ATG7: variants seen among roughly 807,000 people sequenced by gnomAD.
ATG7 encodes autophagy related 7, also known as ubiquitin-like modifier-activating enzyme ATG7.
Under a neutral mutation model 82.4 loss-of-function variants are expected in ATG7, and 70 were observed. That is an observed-to-expected ratio of 0.85 (90% CI 0.70 to 1.04). ATG7 has a LOEUF of 1.04. Among genes scored for constraint, ATG7 ranks in the 50% least tolerant of loss-of-function variants. The pLI, the probability that ATG7 is intolerant of heterozygous loss-of-function variation, is 0.00. For synonymous variants in ATG7, 287 were observed against 313.0 expected, an observed-to-expected ratio of 0.92 and a Z score of 0.88; for missense variants, 792 against 864.3, an observed-to-expected ratio of 0.92 and a Z score of 1.05.
intron 20 of ATG7, among the ~76,000 whole-genome samples, chr3:11,541,143 G>A (rs916356491): frequency 3.9e-5 from 6 of 152,048 alleles, no homozygotes; most frequent in African/African-American, 9.7e-5. Context: ...TTCGTGATCC[G>A]CCCGCCTCGG....
At chr3:11,304,556 A>G (rs1216146147) in intron 5 of ATG7, 1 of 152,232 alleles carries the variant, frequency 6.6e-6, no homozygotes, top group African/African-American at 2.4e-5. Flanking sequence ...TCCAGGTATG[A>G]TGAGCACAGG....
chr3:11,295,775 TCTTTCTTTCTTTC>T (rs1202145330), intron 3 of ATG7, among the ~76,000 whole-genome samples: 3 of 51,848 alleles, frequency 5.8e-5, no homozygotes, highest in Non-Finnish European at 1.6e-4. Flanking sequence ...TTCTTTCTTT[TCTTTCTTTCTTTC>T]TTTTTTTTTT....
intron 20 of ATG7, chr3:11,488,308 C>T: frequency 3.3e-6 from 1 of 303,562 alleles, no homozygotes; most frequent in Non-Finnish European, 5.8e-6. Flanking sequence ...TGCTCCTTGC[C>T]CTCGGGCCCC....
intron 20 of ATG7, among the ~76,000 whole-genome samples, chr3:11,451,903 A>T (rs2152986265): frequency 6.7e-6 from 1 of 149,296 alleles, no homozygotes; most frequent in African/African-American, 2.5e-5. Context: ...ACACACACAG[A>T]CACACACACA....
At chr3:11,490,779 T>C (rs1380509678) in intron 20 of ATG7, among the ~76,000 whole-genome samples, 1 of 152,224 alleles carries the variant, frequency 6.6e-6, no homozygotes, top group Non-Finnish European at 1.5e-5. Context: ...TTCTTTTCTT[T>C]AAGAATGTTG....
At chr3:11,492,318 G>A (rs1463995326) in intron 20 of ATG7, among the ~76,000 whole-genome samples, 6 of 152,260 alleles carry the variant, frequency 3.9e-5, no homozygotes, top group African/African-American at 4.8e-5. Flanking sequence ...GCCCTGCTTC[G>A]GCTCGCACAC....
At chr3:11,414,568 C>G (rs762305869) in intron 19 of ATG7, among the ~76,000 whole-genome samples, 1 of 152,096 alleles carries the variant, frequency 6.6e-6, no homozygotes, top group Non-Finnish European at 1.5e-5. Context: ...ATTAGCTAGG[C>G]CTTCTATTAT....
intron 20 of ATG7, among the ~76,000 whole-genome samples, chr3:11,452,652 G>T (rs1190983847): frequency 6.6e-6 from 1 of 152,090 alleles, no homozygotes; most frequent in Non-Finnish European, 1.5e-5. Context: ...AGTTAACATG[G>T]TTTATTCACC....
chr3:11,448,930 C>G (rs910834440), intron 20 of ATG7, among the ~76,000 whole-genome samples: 4 of 152,142 alleles, frequency 2.6e-5, no homozygotes, highest in Non-Finnish European at 5.9e-5. Flanking sequence ...TAAACTGTAG[C>G]AACCAGACTC....
chr3:11,534,433 TCTG>T (rs1160310520), intron 20 of ATG7, among the ~76,000 whole-genome samples: 1 of 152,224 alleles, frequency 6.6e-6, no homozygotes, highest in Non-Finnish European at 1.5e-5. Context: ...CCTCACATCT[TCTG>T]CTCACAGGCA....
Position 11,453,050 on chromosome 3 carries a change from C to G in ATG7, c.2079+26124C>G, listed in dbSNP as rs1266624175. Among the ~76,000 whole-genome samples, 4 of 152,216 alleles carry G rather than the reference C, an allele frequency of 2.6e-5. No individual in the cohort carries two copies. The South Asian group carries it at 8.3e-4, about 31-fold the overall frequency. On this transcript the variant is annotated intron_variant, in intron 20 of 20. Transcript: ENST00000693202. The stretch of plus-strand genomic sequence containing the variant: ...GGGTATTGGAAGCAGACAGTCCTTC[C>G]TTTCTTACCAAGCCTGGAGAATCTA...
intron 3 of ATG7, among the ~76,000 whole-genome samples, chr3:11,290,183 A>C (rs1944738020): frequency 6.6e-6 from 1 of 152,258 alleles, no homozygotes; most frequent in African/African-American, 2.4e-5. Flanking sequence ...ATGAACAAGT[A>C]GGTCATAAGC....
At chr3:11,566,049 T>G in the ATG7 span, among the ~76,000 whole-genome samples, 3 of 152,140 alleles carry the variant, frequency 2.0e-5, no homozygotes, top group Non-Finnish European at 4.4e-5. Flanking sequence ...ATTTTCAGAG[T>G]CTACAAGTAG....
chr3:11,359,898 A>G (rs2076179439), intron 15 of ATG7, among the ~76,000 whole-genome samples: 1 of 146,996 alleles, frequency 6.8e-6, no homozygotes, highest in Non-Finnish European at 1.5e-5. Context: ...ATAATGGTGG[A>G]AAGAATGTGT....
At chr3:11,445,462 A>G (rs1243539657) in intron 20 of ATG7, among the ~76,000 whole-genome samples, 3 of 152,226 alleles carry the variant, frequency 2.0e-5, no homozygotes, top group South Asian at 4.1e-4. Flanking sequence ...GTTATCACTT[A>G]TAAGTGGGAG....
At chr3:11,551,777 C>T (rs1244327177) in intron 20 of ATG7, among the ~76,000 whole-genome samples, 1 of 151,120 alleles carries the variant, frequency 6.6e-6, no homozygotes, top group Non-Finnish European at 1.5e-5. Flanking sequence ...GAGGCAGGGT[C>T]TCACCCTGTC....
intron 11 of ATG7, among the ~76,000 whole-genome samples, chr3:11,333,752 T>C (rs7630136): frequency 0.32 from 47,421 of 149,630 alleles, 7,969 homozygotes; most frequent in Non-Finnish European, 0.39. Context: ...ATATTTCTTT[T>C]TTTTTTTTTT....
chr3:11,367,393 C>A (rs888251514), intron 18 of ATG7, among the ~76,000 whole-genome samples: 5 of 152,044 alleles, frequency 3.3e-5, no homozygotes, highest in African/African-American at 1.2e-4. Flanking sequence ...TCTCAGTTCC[C>A]AAGAGGAGAA....
chr3:11,403,989 CA>C, intron 19 of ATG7, among the ~76,000 whole-genome samples: 1 of 152,060 alleles, frequency 6.6e-6, no homozygotes. Flanking sequence ...TCCTTGTTGA[CA>C]TATCAATATT....
Sources: allele counts gnomAD v4.1 joint callset (sites outside exome capture counted in the v4.1 genomes callset), GRCh38; gene constraint gnomAD v4.1.1; transcripts MANE v1.5; gene names NCBI Gene and HGNC (gene_info 2026-07-23, HGNC 2026-07-21).